The following ZC2HC1C variants were observed in gnomAD, a reference collection of about 807,000 sequenced individuals.
ZC2HC1C encodes zinc finger C2HC domain-containing protein 1C.
Under a neutral mutation model 39.2 loss-of-function variants are expected in ZC2HC1C, and 25 were observed. The observed-to-expected ratio is 0.64, with a 90% CI of 0.47 to 0.89. ZC2HC1C has a LOEUF of 0.89. Among genes scored for constraint, ZC2HC1C ranks in the 40% least tolerant of loss-of-function variants. The pLI is 0.00. For missense variants in ZC2HC1C, 519 were observed against 548.6 expected, an observed-to-expected ratio of 0.95 and a Z score of 0.54; for synonymous variants, 209 against 214.4, an observed-to-expected ratio of 0.97 and a Z score of 0.22.
At chr14:75,072,558 G>A (rs556590907) in intron 2 of ZC2HC1C, among the ~76,000 whole-genome samples, 1 of 152,270 alleles carries the variant, frequency 6.6e-6, no homozygotes, top group Admixed American at 6.5e-5. Context: ...CCATGCCCTT[G>A]CCAATTATTT....
At chr14:75,072,168 C>T (rs1566628508) in intron 2 of ZC2HC1C, among the ~76,000 whole-genome samples, 1 of 152,164 alleles carries the variant, frequency 6.6e-6, no homozygotes, top group Non-Finnish European at 1.5e-5. Flanking sequence ...TCACAAACAG[C>T]TTTAAGTGGC....
At chr14:75,075,386 C>T (rs1329173346) in intron 2 of ZC2HC1C, among the ~76,000 whole-genome samples, 1 of 152,132 alleles carries the variant, frequency 6.6e-6, no homozygotes, top group African/African-American at 2.4e-5. Flanking sequence ...TTGCATTACT[C>T]CTTCCTTTGC....
At chr14:75,072,457 AAC>A (rs1219332247) in intron 2 of ZC2HC1C, among the ~76,000 whole-genome samples, 2 of 152,220 alleles carry the variant, frequency 1.3e-5, no homozygotes, top group African/African-American at 4.8e-5. Context: ...AAATAGATGA[AAC>A]ACAATTAAGT....
At position 75,071,900 on chromosome 14, in the gene ZC2HC1C, G is replaced by C; in HGVS notation, c.1327G>C (p.Ala443Pro). The C allele has an allele frequency of 6.3e-7, 1 of 1,591,188 alleles. No homozygotes were observed. The highest frequency in any genetic ancestry group is 8.5e-7 in the Non-Finnish European group (1 of 1,169,618). The change falls in exon 2 of 3, where the codon GCT becomes CCT. Residue 443 changes from alanine to proline, a missense_variant. Coordinates refer to ENST00000524913, the MANE Select transcript of ZC2HC1C (RefSeq NM_024643.4). The stretch of plus-strand genomic sequence containing the variant: ...GCAGTACTTGAACTGGAAGGGGCCA[G>C]CTTCAGCCAAGGTAACAAGAGCCTT... Reference protein sequence around the residue: ...LEQYLNWKGPASAKAEPPQKS... With the variant: ...LEQYLNWKGPPSAKAEPPQKS...
chr14:75,070,936 T>C lies in ZC2HC1C; in HGVS notation c.363T>C (p.Asn121=). Residue 121 remains asparagine (N), a synonymous_variant, in exon 2 of 3, where the codon AAT becomes AAC. Transcript: ENST00000524913. ...SGPQSWYPKA[N]NQDFIPFTKK... is the part of the protein sequence containing the mutation. Reference sequence around the variant, plus strand: ...CTCAATCCTGGTATCCCAAAGCCAATAACCAGGACTTTATCCCCTTTACAA... The same window carrying C: ...CTCAATCCTGGTATCCCAAAGCCAACAACCAGGACTTTATCCCCTTTACAA... 1 of 1,614,154 alleles carries C rather than the reference T, an allele frequency of 6.2e-7. No homozygotes were observed. Among genetic ancestry groups the C allele is most frequent in the South Asian group, 1.1e-5 (1 of 91,086 alleles).
In ZC2HC1C at chr14:75,073,932, C is replaced by T. The variant is rs1485078643; in HGVS notation, c.1338+2021C>T. 3.3e-5 allele frequency among the ~76,000 whole-genome samples: 5 copies of T among 152,160 alleles called. No individual in the cohort carries two copies. In the East Asian group the frequency reaches 9.6e-4, roughly 29 times the overall value. On this transcript the variant is annotated intron_variant, in intron 2 of 2. Coordinates refer to ENST00000524913, the MANE Select transcript of ZC2HC1C (RefSeq NM_024643.4). ...TTTGAGACCGAGTCTCGCCCTGTTGCCCAGGCTGGAGTGCAGTGACGCGAT... is the reference window on the plus strand; with the variant it reads ...TTTGAGACCGAGTCTCGCCCTGTTGTCCAGGCTGGAGTGCAGTGACGCGAT...
rs753490297 is a variant in ZC2HC1C, at chr14:75,071,316, TCCAGACGCAAAAGGAA to T, written c.745_760del (p.Gln249ArgfsTer79). 6.2e-7 allele frequency: 1 copy of T among 1,613,830 alleles called. No individual in the cohort carries two copies. On this transcript the variant is annotated frameshift_variant, in exon 2 of 3. Transcript: ENST00000524913. LOFTEE classifies it high-confidence loss of function. ...AAGACAGAGGAGGAACTCAGAAGGA[TCCAGACGCAAAAGGAA>T]CAGGCCAAGGAAAATGAAAACGGAG...
intron 2 of ZC2HC1C, among the ~76,000 whole-genome samples, chr14:75,076,145 G>A (rs944263720): frequency 1.3e-5 from 2 of 152,024 alleles, no homozygotes; most frequent in Non-Finnish European, 2.9e-5. Context: ...ACTCTTATTG[G>A]TCACATGTTG....
chr14:75,074,764 GT>G (rs1893590435), intron 2 of ZC2HC1C, among the ~76,000 whole-genome samples: 1 of 152,090 alleles, frequency 6.6e-6, no homozygotes, highest in East Asian at 1.9e-4. Flanking sequence ...TTAAGACAGG[GT>G]TTCACCAAGT....
chr14:75,071,993 A>T (rs1893449536), intron 2 of ZC2HC1C, 82 bp downstream of exon 2: 1 of 1,496,410 alleles, frequency 6.7e-7, no homozygotes, highest in Non-Finnish European at 8.9e-7. Flanking sequence ...TCTTTAGGGA[A>T]AATTCATGTG....
In ZC2HC1C at chr14:75,070,876, G is replaced by A. The variant is rs1236241941; in HGVS notation, c.303G>A (p.Gln101=). 1.2e-6 allele frequency: 2 copies of A among 1,614,178 alleles called. No individual in the cohort carries two copies. Among genetic ancestry groups the A allele is most frequent in the African/African-American group, 1.3e-5 (1 of 75,016 alleles). The change falls in exon 2 of 3, where the codon CAG becomes CAA. Residue 101 remains glutamine (Q), a synonymous_variant. Transcript: ENST00000524913. ...AGCAAGATCCAGAAAGTGATTCCCAGGGCCAAGGAAATGGTTTGTTTTACT... is the reference window on the plus strand; with the variant it reads ...AGCAAGATCCAGAAAGTGATTCCCAAGGCCAAGGAAATGGTTTGTTTTACT... ...ISQQDPESDS[Q]GQGNGLFYSS... is the part of the protein sequence containing the mutation.
chr14:75,076,692 A>G (rs1893686186), intron 2 of ZC2HC1C, among the ~76,000 whole-genome samples: 2 of 151,360 alleles, frequency 1.3e-5, no homozygotes, highest in Admixed American at 1.3e-4. Flanking sequence ...CTCTTCTAAT[A>G]CTCATTTTGT....
chr14:75,079,215 C>CAAAAAAAAAA lies in ZC2HC1C; in HGVS notation c.*1662_*1671dup, dbSNP rs66560922. On this transcript the variant is annotated 3_prime_UTR_variant, in exon 3 of 3. Transcript: ENST00000524913. ...CTGGTGACCTAGTGAGACTCCATCT[C>CAAAAAAAAAA]AAAAAAAAAAAAAAAAAAAAGAAAA... The CAAAAAAAAAA allele has an allele frequency of 2.3e-5, 2 of 85,250 alleles. No homozygotes were observed. The highest frequency in any genetic ancestry group is 2.3e-5 in the Non-Finnish European group (1 of 43,600). 5.3% of individuals were successfully genotyped at this position (85,250 alleles called of 1,614,324 possible).
rs957155228 is a variant in ZC2HC1C at position 75,078,449 on chromosome 14, G to C, written c.*885G>C. 1 of 152,066 alleles carries C rather than the reference G, an allele frequency of 6.6e-6. No homozygotes were observed. Among genetic ancestry groups the C allele is most frequent in the Admixed American group, 6.6e-5 (1 of 15,218 alleles). 9.4% of individuals were successfully genotyped at this position (152,066 alleles called of 1,614,324 possible). ...CTTTACAGGGTAGGGATGGGTGTTGGGGGGGAAACACATTATACTTCTCTC... is the reference window on the plus strand; with the variant it reads ...CTTTACAGGGTAGGGATGGGTGTTGCGGGGGAAACACATTATACTTCTCTC... On this transcript the variant is annotated 3_prime_UTR_variant, in exon 3 of 3. Coordinates refer to ENST00000524913, the MANE Select transcript of ZC2HC1C (RefSeq NM_024643.4).
chr14:75,073,681 C>T (rs985501997), intron 2 of ZC2HC1C: 6 of 1,206,182 alleles, frequency 5.0e-6, no homozygotes, highest in East Asian at 5.7e-5. Flanking sequence ...TCCCAGCAGA[C>T]GTACACCCTG....
In ZC2HC1C at chr14:75,078,984, AT is replaced by A. The variant is rs1455028114; in HGVS notation, c.*1422del. 7 of 152,200 alleles carry A rather than the reference AT, an allele frequency of 4.6e-5. No homozygotes were observed. Among genetic ancestry groups the A allele is most frequent in the Non-Finnish European group, 1.0e-4 (7 of 68,026 alleles). The allele number at this position is 152,200 out of a possible 1,614,324, so 9.4% of individuals were successfully genotyped here. On this transcript the variant is annotated 3_prime_UTR_variant, in exon 3 of 3. Coordinates refer to ENST00000524913, the MANE Select transcript of ZC2HC1C (RefSeq NM_024643.4). ...CTGATAAGTTAATGTCTGCGAGAGT[AT>A]TATCAGTTCAGATAGGAGTGAAGTT...
chr14:75,077,381 G>A, intron 2 of ZC2HC1C, 151 bp from the exon 3 acceptor site: 2 of 1,009,182 alleles, frequency 2.0e-6, no homozygotes, highest in East Asian at 2.6e-5. Context: ...TTGCCTCAAC[G>A]CTGGCAAGTC....
At position 75,078,387 on chromosome 14, in the gene ZC2HC1C, A is replaced by G. The variant is rs1180806299; in HGVS notation, c.*823A>G. ...CACCAATGTCTCCTAAACCTTCCCTATGGTGTACTGTGTAATAAAGGAAAG... is the reference window on the plus strand; with the variant it reads ...CACCAATGTCTCCTAAACCTTCCCTGTGGTGTACTGTGTAATAAAGGAAAG... On this transcript the variant is annotated 3_prime_UTR_variant, in exon 3 of 3. Transcript: ENST00000524913. 1 of 152,166 alleles carries G rather than the reference A, an allele frequency of 6.6e-6. No homozygotes were observed. Among genetic ancestry groups the G allele is most frequent in the Admixed American group, 6.5e-5 (1 of 15,270 alleles). 9.4% of individuals were successfully genotyped at this position (152,166 alleles called of 1,614,324 possible).
chr14:75,072,671 A>C (rs188357313), intron 2 of ZC2HC1C, among the ~76,000 whole-genome samples: 2 of 152,310 alleles, frequency 1.3e-5, no homozygotes, highest in Admixed American at 1.3e-4. Context: ...TCTGGAGAAG[A>C]TTGTCTCATA....
Sources: gnomAD v4.1 joint callset for allele counts (sites outside exome capture counted in the v4.1 genomes callset) on GRCh38, gnomAD v4.1.1 for gene constraint, MANE v1.5 for transcripts, NCBI Gene and HGNC (gene_info 2026-07-23, HGNC 2026-07-21) for gene names.